The following UTRN variants were observed in gnomAD, a reference collection of about 807,000 sequenced individuals.
UTRN encodes the protein dystrophin-related protein 1.
Under a neutral mutation model 463.9 loss-of-function variants are expected in UTRN, and 283 were observed. The ratio of observed to expected loss-of-function variants is 0.61; its 90% CI spans 0.55 to 0.67. The LOEUF (loss-of-function observed/expected upper bound fraction) is 0.67, where lower values mean the gene tolerates loss of function less well. Among genes scored for constraint, UTRN ranks in the 30% least tolerant of loss-of-function variants. The pLI is 0.00. For missense variants in UTRN, 3,922 were observed against 4,084.3 expected, an observed-to-expected ratio of 0.96 and a Z score of 1.08; for synonymous variants, 1,442 against 1,431.5, an observed-to-expected ratio of 1.01 and a Z score of -0.17.
intron 74 of UTRN, among the ~76,000 whole-genome samples, chr6:144,849,898 C>A (rs1782339713): frequency 6.6e-6 from 1 of 152,198 alleles, no homozygotes; most frequent in Non-Finnish European, 1.5e-5. Context: ...GTTCCTTTCT[C>A]ATATGGGGTT....
chr6:144,340,069 T>C (rs1562266847), intron 2 of UTRN, among the ~76,000 whole-genome samples: 1 of 152,050 alleles, frequency 6.6e-6, no homozygotes, highest in Non-Finnish European at 1.5e-5. Flanking sequence ...CGGGAGGCTG[T>C]GGCAGGTGAA....
At position 144,619,804 on chromosome 6, in the gene UTRN, C is replaced by T. The variant is rs1775152977; in HGVS notation, c.7479+42516C>T. On this transcript the variant is annotated intron_variant, in intron 51 of 74. Coordinates refer to ENST00000367545, the MANE Select transcript of UTRN (RefSeq NM_007124.3). ...TAAAAATGATGCCTTAATATCTGCC[C>T]CCATTTTGAAAGTGAAATTTTGCGG... is the stretch of plus-strand genomic sequence containing the variant. Among the ~76,000 whole-genome samples, 6 of 152,090 alleles carry T rather than the reference C, an allele frequency of 3.9e-5. No individual in the cohort carries two copies. The South Asian group carries it at 1.2e-3, about 31-fold the overall frequency.
intron 2 of UTRN, among the ~76,000 whole-genome samples, chr6:144,309,566 C>G (rs1017848665): frequency 2.0e-5 from 3 of 152,198 alleles, no homozygotes; most frequent in Non-Finnish European, 4.4e-5. Context: ...TTTCCTAATA[C>G]TGAATTTATA....
chr6:144,436,675 T>C (rs1786563650), intron 10 of UTRN, among the ~76,000 whole-genome samples: 1 of 150,564 alleles, frequency 6.6e-6, no homozygotes. Context: ...CAGATCTTAT[T>C]TGTTGTTTTG....
intron 47 of UTRN, 77 bp downstream of exon 47, chr6:144,548,931 G>T: frequency 6.9e-7 from 1 of 1,440,600 alleles, no homozygotes; most frequent in Admixed American, 2.3e-5. Flanking sequence ...AATCCCTTTT[G>T]TTTATCCTAA....
intron 52 of UTRN, among the ~76,000 whole-genome samples, chr6:144,684,278 G>A (rs1782516503): frequency 6.6e-6 from 1 of 152,026 alleles, no homozygotes; most frequent in Non-Finnish European, 1.5e-5. Flanking sequence ...TCAAATTCCT[G>A]ACCTCAGGTG....
At chr6:144,607,029 G>T (rs1462571201) in intron 51 of UTRN, among the ~76,000 whole-genome samples, 1 of 152,152 alleles carries the variant, frequency 6.6e-6, no homozygotes, top group African/African-American at 2.4e-5. Flanking sequence ...ATATGTTAAA[G>T]TGAAAGAAGA....
At chr6:144,743,917 A>T (rs1586338072) in intron 54 of UTRN, among the ~76,000 whole-genome samples, 2 of 151,682 alleles carry the variant, frequency 1.3e-5, no homozygotes, top group Admixed American at 6.6e-5. Context: ...ATTGGTGTTT[A>T]AAAATTATGA....
chr6:144,476,978 T>C (rs949250226), intron 25 of UTRN, among the ~76,000 whole-genome samples: 1 of 151,950 alleles, frequency 6.6e-6, no homozygotes, highest in African/African-American at 2.4e-5. Context: ...ATGAGAGATA[T>C]TAATAAGAGG....
intron 64 of UTRN, among the ~76,000 whole-genome samples, chr6:144,801,954 C>T (rs949615606): frequency 6.6e-6 from 1 of 152,250 alleles, no homozygotes; most frequent in South Asian, 2.1e-4. Context: ...TTAGAACCCC[C>T]ACCCAATAAC....
chr6:144,831,719 G>A (rs1780689973), intron 69 of UTRN, among the ~76,000 whole-genome samples: 1 of 152,130 alleles, frequency 6.6e-6, no homozygotes. Flanking sequence ...GACGGTTCTG[G>A]GGAATCTCAG....
rs1372953192 is a variant in UTRN at position 144,433,294 on chromosome 6, G to A, written c.856-2641G>A. On this transcript the variant is annotated intron_variant, in intron 9 of 74. Coordinates refer to ENST00000367545, the MANE Select transcript of UTRN (RefSeq NM_007124.3). ...GAGGCGCCCCTCACCTCCCGGACGG[G>A]GCGGCTGGCCGGGTGGGGGGCTGAA... Among the ~76,000 whole-genome samples, 20 of 150,478 alleles carry A rather than the reference G, an allele frequency of 1.3e-4. 1 individual carries two copies. The South Asian group carries it at 4.0e-3, about 30-fold the overall frequency.
At chr6:144,732,753 T>C (rs868140790) in intron 54 of UTRN, among the ~76,000 whole-genome samples, 2 of 151,878 alleles carry the variant, frequency 1.3e-5, no homozygotes, top group African/African-American at 2.4e-5. Flanking sequence ...TGCTCTGTTG[T>C]CCAGGCTGGA....
Position 144,700,739 on chromosome 6 carries a change from GT to G in UTRN, c.7809+508del, listed in dbSNP as rs564541879. ...CCTGCCATCACACCCAACTAACTTT[GT>G]TTTTTTTTTTTAAGATGGAGTCTTG... On this transcript the variant is annotated intron_variant, in intron 53 of 74. Coordinates refer to ENST00000367545, the MANE Select transcript of UTRN (RefSeq NM_007124.3). 3.0e-3 allele frequency among the ~76,000 whole-genome samples: 412 copies of G among 137,160 alleles called. 3 individuals are homozygous for G. Among genetic ancestry groups the G allele is most frequent in the Admixed American group, 7.5e-3 (103 of 13,770 alleles). 90.0% of individuals were successfully genotyped at this position (137,160 alleles called of 152,430 possible).
chr6:144,449,988 G>A (rs1421942155), intron 17 of UTRN, among the ~76,000 whole-genome samples: 1 of 152,128 alleles, frequency 6.6e-6, no homozygotes, highest in Non-Finnish European at 1.5e-5. Context: ...CACTTAGAAA[G>A]GGGCCGGGTA....
At chr6:144,450,356 T>C (rs1017470638) in intron 17 of UTRN, among the ~76,000 whole-genome samples, 1 of 152,198 alleles carries the variant, frequency 6.6e-6, no homozygotes, top group African/African-American at 2.4e-5. Flanking sequence ...GTGAGTTCAG[T>C]ACTCATTATT....
intron 2 of UTRN, among the ~76,000 whole-genome samples, chr6:144,373,202 C>CA (rs1309440251): frequency 1.3e-5 from 2 of 152,094 alleles, no homozygotes; most frequent in African/African-American, 4.8e-5. Flanking sequence ...TATGTTCACA[C>CA]AAAAACTTGT....
At chr6:144,307,290 G>GAT (rs1266315013) in intron 2 of UTRN, among the ~76,000 whole-genome samples, 3 of 152,186 alleles carry the variant, frequency 2.0e-5, no homozygotes, top group Non-Finnish European at 1.5e-5. Context: ...CCCCCTTGCA[G>GAT]ATATTACTCT....
intron 51 of UTRN, among the ~76,000 whole-genome samples, chr6:144,637,673 A>G (rs1777325614): frequency 6.6e-6 from 1 of 151,136 alleles, no homozygotes; most frequent in African/African-American, 2.4e-5. Flanking sequence ...GTTTTTCTGT[A>G]CGTGGCATAT....
Sources: allele counts gnomAD v4.1 joint callset (sites outside exome capture counted in the v4.1 genomes callset), GRCh38; gene constraint gnomAD v4.1.1; transcripts MANE v1.5; gene names NCBI Gene and HGNC (gene_info 2026-07-23, HGNC 2026-07-21).